Variants in FAM170B observed in about 807,000 individuals in gnomAD.
FAM170B encodes the protein family with sequence similarity 170 member B.
A neutral mutation model predicts 3.9 loss-of-function variants in FAM170B; 4 were observed. That is an observed-to-expected ratio of 1.01 (90% CI 0.50 to 2.32). FAM170B has a LOEUF of 2.32. Among genes scored for constraint, FAM170B ranks in the 30% most tolerant of loss-of-function variants. The pLI, the probability that FAM170B is intolerant of heterozygous loss-of-function variation, is 0.02. For synonymous variants in FAM170B, 163 were observed against 149.8 expected (o/e 1.09, Z -0.64); for missense variants, 417 against 368.6 (o/e 1.13, Z -1.07).
chr10:49,132,028 C>T lies in FAM170B; in HGVS notation c.437G>A (p.Arg146Lys), dbSNP rs1182105544. The T allele has an allele frequency of 2.1e-5, 33 of 1,551,660 alleles. No individual in the cohort carries two copies. In the Middle Eastern group the frequency reaches 3.0e-3, roughly 141 times the overall value. The change falls in exon 2 of 2, where the codon AGG becomes AAG. Residue 146 changes from arginine (R) to lysine (K), a missense_variant. Physicochemically the swap from Arg to Lys is conservative, Grantham distance 26. Coordinates refer to ENST00000311787, the MANE Select transcript of FAM170B (RefSeq NM_001164484.2). ...PRIHEAQFIK[R>K]QRWNGSSFEM... ...GAAGGAGGAGCCGTTCCACCTCTGC[C>T]TCTTGATGAACTGGGCTTCATGGAT...
In FAM170B at chr10:49,131,847, G is replaced by A. The variant is rs1212569772; in HGVS notation, c.618C>T (p.Cys206=). The A allele has an allele frequency of 1.9e-6, 3 of 1,546,368 alleles. No homozygotes were observed. In the African/African-American group the frequency reaches 4.1e-5, roughly 21 times the overall value. Residue 206 remains cysteine, a synonymous_variant, in exon 2 of 2, where the codon TGC becomes TGT. Coordinates refer to ENST00000311787, the MANE Select transcript of FAM170B (RefSeq NM_001164484.2). ...AGGGCAAGACCCTGCAGCAGGCCAC[G>A]CAGCGCACCCCGTAGTTGGTGGTGA... is the stretch of plus-strand genomic sequence containing the variant. The part of the protein sequence containing the change: ...WLVTTNYGVR[C]VACCRVLPSL...
chr10:49,133,479 T>A (rs922789211), intron 1 of FAM170B, among the ~76,000 whole-genome samples: 1 of 152,218 alleles, frequency 6.6e-6, no homozygotes, highest in Non-Finnish European at 1.5e-5. Flanking sequence ...TTCATCATTT[T>A]GTTATAAAGG....
At position 49,132,058 on chromosome 10, in the gene FAM170B, G is replaced by C. The variant is rs1845192827; in HGVS notation, c.407C>G (p.Pro136Arg). ...EAGFEPVTRK[P>R]RIHEAQFIKR... ...GATGAACTGGGCTTCATGGATGCGGGGCTTCCTGGTGACCGGCTCGAAGCC... is the reference window on the plus strand; with the variant it reads ...GATGAACTGGGCTTCATGGATGCGGCGCTTCCTGGTGACCGGCTCGAAGCC... Residue 136 changes from proline (P) to arginine (R), a missense_variant, in exon 2 of 2, where the codon CCC becomes CGC. By Grantham distance (103) the Pro-to-Arg change is moderately radical (BLOSUM62 -2). Coordinates refer to ENST00000311787, the MANE Select transcript of FAM170B (RefSeq NM_001164484.2). 3.2e-6 allele frequency: 5 copies of C among 1,551,724 alleles called. No homozygotes were observed. Among genetic ancestry groups the C allele is most frequent in the Non-Finnish European group, 3.5e-6 (4 of 1,146,986 alleles).
rs767949441 is a variant in FAM170B at position 49,131,567 on chromosome 10, C to T, written c.*46G>A. 1.7e-5 allele frequency: 26 copies of T among 1,511,468 alleles called. No individual in the cohort carries two copies. The South Asian group carries it at 2.5e-4, about 15-fold the overall frequency. The allele number at this position is 1,511,468 out of a possible 1,614,324, so 93.6% of individuals were successfully genotyped here. ...TACTGCTGGCTGGGGAAGGAGCAGTCCCAGGCCCTGGAGGTGAGGGCAGGG... is the reference window on the plus strand; with the variant it reads ...TACTGCTGGCTGGGGAAGGAGCAGTTCCAGGCCCTGGAGGTGAGGGCAGGG... On this transcript the variant is annotated 3_prime_UTR_variant, in exon 2 of 2. Coordinates refer to ENST00000311787, the MANE Select transcript of FAM170B (RefSeq NM_001164484.2).
Position 49,132,007 on chromosome 10 carries a change from G to A in FAM170B, c.458C>T (p.Ser153Phe). 6.4e-7 allele frequency: 1 copy of A among 1,551,764 alleles called. No homozygotes were observed. Among genetic ancestry groups the A allele is most frequent in the Non-Finnish European group, 8.7e-7 (1 of 1,147,016 alleles). Residue 153 changes from serine (S) to phenylalanine (F), a missense_variant, in exon 2 of 2, where the codon TCC becomes TTC. Physicochemically the swap from Ser to Phe is radical, Grantham distance 155. Transcript: ENST00000311787. ...ATCGGTGTTGGAAGCCATTTCGAAG[G>A]AGGAGCCGTTCCACCTCTGCCTCTT... ...FIKRQRWNGSSFEMASNTDMR... is the reference protein window; with the variant it reads ...FIKRQRWNGSFFEMASNTDMR...
chr10:49,132,125 G>T lies in FAM170B; in HGVS notation c.340C>A (p.Gln114Lys). ...QSVCAFYTHV[Q>K]TVRGVAVAWE... ...GCCACAGCCACACCCCGCACAGTCT[G>T]CACGTGCGTGTAGAAGGCACACACA... The change falls in exon 2 of 2, where the codon CAG becomes AAG. Residue 114 changes from glutamine to lysine, a missense_variant. Transcript: ENST00000311787. 4 of 1,551,770 alleles carry T rather than the reference G, an allele frequency of 2.6e-6. No homozygotes were observed. The highest frequency in any genetic ancestry group is 3.5e-6 in the Non-Finnish European group (4 of 1,147,002).
chr10:49,131,603 C>A lies in FAM170B; in HGVS notation c.*10G>T, dbSNP rs1237683144. On this transcript the variant is annotated 3_prime_UTR_variant, in exon 2 of 2. Transcript: ENST00000311787. ...GAGGTGAGGGCAGGGTTGGGTATCT[C>A]CCCTCTGGCTCACTGCTTCTCCTGC... The A allele has an allele frequency of 4.5e-6, 7 of 1,546,442 alleles. No individual in the cohort carries two copies. The East Asian group carries it at 7.3e-5, about 16-fold the overall frequency.
Position 49,133,807 on chromosome 10 carries a change from C to A in FAM170B, c.112G>T (p.Gly38Trp). 1 of 1,551,532 alleles carries A rather than the reference C, an allele frequency of 6.4e-7. No homozygotes were observed. The highest frequency in any genetic ancestry group is 8.7e-7 in the Non-Finnish European group (1 of 1,146,890). Residue 38 changes from glycine (G) to tryptophan (W), a missense_variant and splice_region_variant, in exon 1 of 2, where the codon GGG becomes TGG. By Grantham distance (184) the Gly-to-Trp change is radical. Coordinates refer to ENST00000311787, the MANE Select transcript of FAM170B (RefSeq NM_001164484.2). ...CTTCCAGGCCTTTCTTTTCACCTACCTGGCCAGAACACTTCCACACTCTCC... is the reference window on the plus strand; with the variant it reads ...CTTCCAGGCCTTTCTTTTCACCTACATGGCCAGAACACTTCCACACTCTCC... ...TEESVEVFWP[G>W]TIQREGSSPR...
intron 1 of FAM170B, among the ~76,000 whole-genome samples, chr10:49,132,624 T>C (rs1220126616): frequency 6.6e-6 from 1 of 151,942 alleles, no homozygotes; most frequent in Admixed American, 6.6e-5. Flanking sequence ...ATATACACAT[T>C]AGGGATATGA....
chr10:49,132,361 CAGA>C lies in FAM170B; in HGVS notation c.113-12_113-10del. On this transcript the variant is annotated splice_polypyrimidine_tract_variant and intron_variant, in intron 1 of 1. Transcript: ENST00000311787. ...TTCTCTCTGTATAGTCCCTGAGAAG[CAGA>C]AGGACATTGTCATCAGTGCCCTTTA... 6.6e-7 allele frequency: 1 copy of C among 1,522,880 alleles called. No individual in the cohort carries two copies. The highest frequency in any genetic ancestry group is 8.8e-7 in the Non-Finnish European group (1 of 1,133,174). 94.3% of individuals were successfully genotyped at this position (1,522,880 alleles called of 1,614,324 possible).
Position 49,132,347 on chromosome 10 carries a change from T to C in FAM170B, c.118A>G (p.Ile40Val), listed in dbSNP as rs1181764771. The C allele has an allele frequency of 1.9e-6, 3 of 1,539,208 alleles. No individual in the cohort carries two copies. The highest frequency in any genetic ancestry group is 2.5e-5 in the East Asian group (1 of 40,744). Reference protein sequence around the residue: ...ESVEVFWPGTIQREGSSPRPG... With the variant: ...ESVEVFWPGTVQREGSSPRPG... ...CGTGGGGACGACCCTTCTCTCTGTA[T>C]AGTCCCTGAGAAGCAGAAGGACATT... is the stretch of plus-strand genomic sequence containing the variant. Residue 40 changes from isoleucine (I) to valine (V), a missense_variant, in exon 2 of 2, where the codon ATA becomes GTA. Transcript: ENST00000311787.
chr10:49,131,732 G>A lies in FAM170B; in HGVS notation c.733C>T (p.Arg245Trp), dbSNP rs181408191. The A allele has an allele frequency of 1.5e-5, 23 of 1,551,650 alleles. No homozygotes were observed. The highest frequency in any genetic ancestry group is 3.9e-5 in the Admixed American group (2 of 51,008). Residue 245 changes from arginine (R) to tryptophan (W), a missense_variant, in exon 2 of 2, where the codon CGG (arginine) becomes TGG (tryptophan). Physicochemically the swap from Arg to Trp is moderately radical, Grantham distance 101 (BLOSUM62 -3). Coordinates refer to ENST00000311787, the MANE Select transcript of FAM170B (RefSeq NM_001164484.2). Reference sequence around the variant, plus strand: ...TGGTCATGTGCTTGGCCCTGAGCCCGCCTTCTCTCCAGCATCTCCTCAAAA... The same window carrying A: ...TGGTCATGTGCTTGGCCCTGAGCCCACCTTCTCTCCAGCATCTCCTCAAAA... ...IFFEEMLERRRAQGQAHDQQL... is the reference protein window; with the variant it reads ...IFFEEMLERRWAQGQAHDQQL...
chr10:49,131,790 A>C lies in FAM170B; in HGVS notation c.675T>G (p.His225Gln). Residue 225 changes from histidine to glutamine, a missense_variant, in exon 2 of 2, where the codon CAT (histidine) becomes CAG (glutamine). His to Gln is a conservative substitution (Grantham distance 24). Coordinates refer to ENST00000311787, the MANE Select transcript of FAM170B (RefSeq NM_001164484.2). The part of the protein sequence containing the change: ...SLDALLEHAQ[H>Q]GIREGFSCQI... The stretch of plus-strand genomic sequence containing the variant: ...GACAGCTGAAGCCCTCCCGGATGCC[A>C]TGCTGGGCGTGCTCCAGCAGAGCGT... The C allele has an allele frequency of 6.4e-7, 1 of 1,550,454 alleles. No homozygotes were observed. The highest frequency in any genetic ancestry group is 8.7e-7 in the Non-Finnish European group (1 of 1,146,976).
rs1382402217 is a variant in FAM170B at position 49,131,652 on chromosome 10, C to A, written c.813G>T (p.Gln271His). Residue 271 changes from glutamine to histidine, a missense_variant, in exon 2 of 2, where the codon CAG becomes CAT. Coordinates refer to ENST00000311787, the MANE Select transcript of FAM170B (RefSeq NM_001164484.2). ...PSDNSECSRP[Q>H]GEVLSAQQQE... The stretch of plus-strand genomic sequence containing the variant: ...GCTGCTGTGCTGAGAGCACCTCACC[C>A]TGGGGCCGGGAACATTCGCTGTTGT... 2 of 1,551,776 alleles carry A rather than the reference C, an allele frequency of 1.3e-6. No homozygotes were observed. Among genetic ancestry groups the A allele is most frequent in the South Asian group, 2.4e-5 (2 of 84,060 alleles).
rs768981024 is a variant in FAM170B, at chr10:49,132,195, CGACTGGTACTGGGAGTAG to C, written c.252_269del (p.Tyr85_Ser90del). 2.6e-6 allele frequency: 4 copies of C among 1,551,760 alleles called. No homozygotes were observed. In the South Asian group the frequency reaches 4.8e-5, roughly 18 times the overall value. On this transcript the variant is annotated inframe_deletion, in exon 2 of 2. Coordinates refer to ENST00000311787, the MANE Select transcript of FAM170B (RefSeq NM_001164484.2). The stretch of plus-strand genomic sequence containing the variant: ...CCTCATCGCACATGCAGGAGCAGCA[CGACTGGTACTGGGAGTAG>C]GACTGGTACTCGGAGGACTCTGAGG...
chr10:49,133,655 A>T (rs894376479), intron 1 of FAM170B, among the ~76,000 whole-genome samples, 152 bp downstream of exon 1: 2 of 152,098 alleles, frequency 1.3e-5, no homozygotes, highest in Admixed American at 6.5e-5. Context: ...TCCCATAAAT[A>T]TCAATTTCCT....
Position 49,134,001 on chromosome 10 carries a change from GC to G in FAM170B, c.-84del. The G allele has an allele frequency of 9.1e-7, 1 of 1,102,012 alleles. No individual in the cohort carries two copies. Among genetic ancestry groups the G allele is most frequent in the Non-Finnish European group, 1.4e-6 (1 of 739,966 alleles). 68.3% of individuals were successfully genotyped at this position (1,102,012 alleles called of 1,614,324 possible). On this transcript the variant is annotated 5_prime_UTR_variant, in exon 1 of 2. Transcript: ENST00000311787. ...GGGCTGTACTGAAGGCCTCCAGCTG[GC>G]CCCAGCCAGAGTGGACACTGAGCTC...
chr10:49,133,345 A>T (rs1371786271), intron 1 of FAM170B, among the ~76,000 whole-genome samples: 1 of 152,178 alleles, frequency 6.6e-6, no homozygotes, highest in African/African-American at 2.4e-5. Context: ...TCAACAGAGT[A>T]GGAAAGAGAG....
At position 49,132,175 on chromosome 10, in the gene FAM170B, T is replaced by G. The variant is rs1351572583; in HGVS notation, c.290A>C (p.Asp97Ala). 6.4e-7 allele frequency: 1 copy of G among 1,551,662 alleles called. No individual in the cohort carries two copies. Among genetic ancestry groups the G allele is most frequent in the Non-Finnish European group, 8.7e-7 (1 of 1,147,020 alleles). The change falls in exon 2 of 2, where the codon GAT becomes GCT. Residue 97 changes from aspartate (D) to alanine (A), a missense_variant. Asp to Ala is a moderately radical substitution (Grantham distance 126). Coordinates refer to ENST00000311787, the MANE Select transcript of FAM170B (RefSeq NM_001164484.2). ...ACTCTGCGGAGCAGCATTGTCCTCA[T>G]CGCACATGCAGGAGCAGCACGACTG... ...QYQSCCSCMC[D>A]EDNAAPQSVC...
Sources: allele counts gnomAD v4.1 joint callset (sites outside exome capture counted in the v4.1 genomes callset), GRCh38; gene constraint gnomAD v4.1.1; transcripts MANE v1.5; gene names NCBI Gene and HGNC (gene_info 2026-07-23, HGNC 2026-07-21).